Variants in MTR observed in about 807,000 individuals in gnomAD.
MTR encodes methionine synthase.
In MTR, 84 loss-of-function variants were observed where a neutral mutation model predicts 154.8. The observed-to-expected ratio is 0.54, with a 90% CI of 0.45 to 0.65. MTR has a LOEUF of 0.65. Ranked by LOEUF, MTR falls within the 30% of genes least tolerant of loss-of-function variation. The pLI is 0.00. For synonymous variants in MTR, 554 were observed against 553.9 expected (o/e 1.00, Z 0.00); for missense variants, 1,275 against 1,570.2 (o/e 0.81, Z 3.18).
Position 236,889,387 on chromosome 1 carries a change from T to C in MTR, c.3007+51T>C, listed in dbSNP as rs115767967. On this transcript the variant is annotated intron_variant, in intron 28 of 32. Coordinates refer to ENST00000366577, the MANE Select transcript of MTR (RefSeq NM_000254.3). ...TGCCTCTGATATTCAAGCTGTGGGA[T>C]TGTGACTTTGAAGACCGGAATCGGT... is the stretch of plus-strand genomic sequence containing the variant. 4.1e-4 allele frequency: 656 copies of C among 1,610,810 alleles called. 4 individuals are homozygous for C. In the African/African-American group the frequency reaches 7.4e-3, roughly 18 times the overall value.
Position 236,795,476 on chromosome 1 carries a change from A to G in MTR, c.-228A>G. ...CTGGCCGGGTACCCGGGAAGAAAGC[A>G]CGTGCTCCAGCAGTTGCCGCGCCCA... On this transcript the variant is annotated 5_prime_UTR_variant, in exon 1 of 33. Transcript: ENST00000366577. 1 of 1,511,094 alleles carries G rather than the reference A, an allele frequency of 6.6e-7. No individual in the cohort carries two copies. Among genetic ancestry groups the G allele is most frequent in the East Asian group, 2.5e-5 (1 of 39,398 alleles). 93.6% of individuals were successfully genotyped at this position (1,511,094 alleles called of 1,614,324 possible). A position where few individuals can be genotyped will look rare whatever the true frequency, so the allele number is the denominator to read the frequency against.
intron 1 of MTR, among the ~76,000 whole-genome samples, chr1:236,797,745 G>A (rs1166080586): frequency 1.3e-5 from 2 of 152,076 alleles, no homozygotes; most frequent in Non-Finnish European, 2.9e-5. Context: ...GGTCACCTGA[G>A]GTCAGGAGTT....
chr1:236,816,661 A>G, intron 8 of MTR, 118 bp downstream of exon 8: 4 of 854,094 alleles, frequency 4.7e-6, no homozygotes, highest in Non-Finnish European at 7.9e-6. Context: ...CACTTCTGCT[A>G]TATTGACTTT....
chr1:236,867,748 T>G (rs924466566), intron 22 of MTR, among the ~76,000 whole-genome samples: 1 of 152,198 alleles, frequency 6.6e-6, no homozygotes, highest in South Asian at 2.1e-4. Flanking sequence ...TTTGAGGGAT[T>G]CAAGACTTCA....
At chr1:236,807,396 A>G (rs913437126) in intron 3 of MTR, among the ~76,000 whole-genome samples, 3 of 152,134 alleles carry the variant, frequency 2.0e-5, no homozygotes, top group Admixed American at 1.3e-4. Context: ...CTGGTCTCCA[A>G]TTCCTGAGCT....
intron 27 of MTR, 101 bp downstream of exon 27, chr1:236,886,468 A>G: frequency 9.9e-7 from 1 of 1,008,152 alleles, no homozygotes; most frequent in Non-Finnish European, 1.5e-6. Context: ...ACCAGCAGCT[A>G]ACGACTCTCA....
At chr1:236,878,147 G>A (rs1272357993) in intron 24 of MTR, among the ~76,000 whole-genome samples, 4 of 151,850 alleles carry the variant, frequency 2.6e-5, no homozygotes, top group Non-Finnish European at 4.4e-5. Flanking sequence ...TGCTATCTTA[G>A]TGCTGTCTTT....
At chr1:236,802,266 A>G (rs562676518) in intron 1 of MTR, among the ~76,000 whole-genome samples, 2 of 152,276 alleles carry the variant, frequency 1.3e-5, no homozygotes, top group Non-Finnish European at 2.9e-5. Context: ...TTGGTTTTGA[A>G]TATTAGATTG....
intron 8 of MTR, among the ~76,000 whole-genome samples, chr1:236,817,560 G>A (rs1442788895): frequency 2.0e-5 from 3 of 152,156 alleles, no homozygotes; most frequent in East Asian, 1.9e-4. Flanking sequence ...TTGAGGGTAG[G>A]TACTGGTATT....
At chr1:236,864,365 G>A (rs1664715901) in intron 22 of MTR, among the ~76,000 whole-genome samples, 1 of 152,112 alleles carries the variant, frequency 6.6e-6, no homozygotes, top group African/African-American at 2.4e-5. Flanking sequence ...TACCTGCTAA[G>A]CTGTGTCCCT....
At chr1:236,805,447 G>T (rs1433006692) in intron 2 of MTR, among the ~76,000 whole-genome samples, 1 of 152,048 alleles carries the variant, frequency 6.6e-6, no homozygotes, top group Non-Finnish European at 1.5e-5. Context: ...TTTGTTGAGT[G>T]CCCATTGTGT....
chr1:236,897,662 C>G lies in MTR; in HGVS notation c.*18C>G, dbSNP rs763466096. 13 of 1,406,452 alleles carry G rather than the reference C, an allele frequency of 9.2e-6. No individual in the cohort carries two copies. Among genetic ancestry groups the G allele is most frequent in the Non-Finnish European group, 1.2e-5 (12 of 1,004,624 alleles). The allele number at this position is 1,406,452 out of a possible 1,614,324, so 87.1% of individuals were successfully genotyped here. A position where few individuals can be genotyped will look rare whatever the true frequency, so the allele number is the denominator to read the frequency against. On this transcript the variant is annotated 3_prime_UTR_variant, in exon 33 of 33. Coordinates refer to ENST00000366577, the MANE Select transcript of MTR (RefSeq NM_000254.3). ...CAGACTAACTTTTTTTTTTTTTTTG[C>G]CTTTTTTATTCTTGATGATCCTCAA...
At chr1:236,816,364 T>G (rs1199362991) in intron 7 of MTR, 85 bp from the exon 8 acceptor site, 2 of 1,119,202 alleles carry the variant, frequency 1.8e-6, no homozygotes, top group Non-Finnish European at 2.7e-6. Context: ...GCAAAGGAAG[T>G]CAGTGTGTTC....
chr1:236,830,651 G>A (rs181090795), intron 12 of MTR, among the ~76,000 whole-genome samples: 53 of 152,174 alleles, frequency 3.5e-4, no homozygotes, highest in Admixed American at 2.4e-3. Context: ...TGCTTTTGGC[G>A]GAGGAGTCAC....
intron 3 of MTR, among the ~76,000 whole-genome samples, chr1:236,806,732 A>G (rs1178594627): frequency 6.6e-6 from 1 of 152,172 alleles, no homozygotes; most frequent in East Asian, 1.9e-4. Flanking sequence ...CCATTAAACA[A>G]TACCTTCCCA....
chr1:236,816,300 A>G lies in MTR; in HGVS notation c.670-149A>G, dbSNP rs987119073. ...TTGGCACATGTCTGTTCTGACTATT[A>G]TAGAAAGTGCCCCCTTTGAATTTGA... On this transcript the variant is annotated intron_variant, in intron 7 of 32. Coordinates refer to ENST00000366577, the MANE Select transcript of MTR (RefSeq NM_000254.3). The G allele has an allele frequency of 2.6e-5, 19 of 725,374 alleles. No homozygotes were observed. The South Asian group carries it at 2.7e-4, about 10-fold the overall frequency. 44.9% of individuals were successfully genotyped at this position (725,374 alleles called of 1,614,324 possible).
intron 15 of MTR, among the ~76,000 whole-genome samples, chr1:236,839,426 A>G (rs1339872867): frequency 6.6e-6 from 1 of 152,206 alleles, no homozygotes; most frequent in Non-Finnish European, 1.5e-5. Context: ...AGAAGATACT[A>G]AGTTTTGTAA....
At chr1:236,897,275 T>C in intron 32 of MTR, among the ~76,000 whole-genome samples, 157 bp downstream of exon 32, 1 of 96,470 alleles carries the variant, frequency 1.0e-5, no homozygotes, top group African/African-American at 3.3e-5. Context: ...ATACCTCTAT[T>C]CTAGCCCTCA....
At chr1:236,852,885 G>A in intron 17 of MTR, 63 bp from the exon 18 acceptor site, 1 of 1,590,152 alleles carries the variant, frequency 6.3e-7, no homozygotes, top group Admixed American at 1.7e-5. Context: ...ACAGAGAAAA[G>A]TTTGCTGATC....
Sources: allele counts gnomAD v4.1 joint callset (sites outside exome capture counted in the v4.1 genomes callset), GRCh38; gene constraint gnomAD v4.1.1; transcripts MANE v1.5; gene names NCBI Gene and HGNC (gene_info 2026-07-23, HGNC 2026-07-21).